The following PBX3 variants were observed in gnomAD, a reference collection of about 807,000 sequenced individuals.
The protein encoded by PBX3 is PBX homeobox 3.
PBX3 carries 14 observed loss-of-function variants against 48.5 expected under a neutral mutation model. The ratio of observed to expected loss-of-function variants is 0.29; its 90% confidence interval spans 0.19 to 0.45. PBX3 has a LOEUF of 0.45. Ranked by LOEUF, PBX3 falls within the 20% of genes least tolerant of loss-of-function variation. The pLI is 1.00. For missense variants in PBX3, 386 were observed against 546.7 expected (o/e 0.71, Z 2.93); for synonymous variants, 210 against 200.3 (o/e 1.05, Z -0.41).
Position 125,748,595 on chromosome 9 carries a change from C to T in PBX3, c.246C>T (p.Ser82=), listed in dbSNP as rs1475956028. The T allele has an allele frequency of 6.2e-7, 1 of 1,613,730 alleles. No individual in the cohort carries two copies. The highest frequency in any genetic ancestry group is 8.5e-7 in the Non-Finnish European group (1 of 1,179,900). ...ACAGAATGAAACCAGCGCTCTTCAG[C>T]GTCCTGTGTGAGATCAAAGAGAAAA... ...NCHRMKPALF[S]VLCEIKEKTG... The change falls in exon 2 of 9, where the codon AGC becomes AGT. Residue 82 remains serine, a synonymous_variant. Coordinates refer to ENST00000373489, the MANE Select transcript of PBX3 (RefSeq NM_006195.6).
intron 5 of PBX3, among the ~76,000 whole-genome samples, chr9:125,953,636 T>G (rs1268847165): frequency 6.6e-6 from 1 of 152,226 alleles, no homozygotes; most frequent in African/African-American, 2.4e-5. Context: ...TGTATCTACC[T>G]CCCTTAGGTT....
rs749314294 is a variant in PBX3, at chr9:125,962,068, C to T, written c.1010-34C>T. 15 of 1,063,844 alleles carry T rather than the reference C, an allele frequency of 1.4e-5. No individual in the cohort carries two copies. In the South Asian group the frequency reaches 1.8e-4, roughly 13 times the overall value. 65.9% of individuals were successfully genotyped at this position (1,063,844 alleles called of 1,614,324 possible). A position where few individuals can be genotyped will look rare whatever the true frequency, so the allele number is the denominator to read the frequency against. On this transcript the variant is annotated intron_variant, in intron 6 of 8. Transcript: ENST00000373489. ...CTTTGAGGATTATGTGTGTAGCTCT[C>T]TGTTATTCAGCTACTTAACTCTTTC...
intron 2 of PBX3, among the ~76,000 whole-genome samples, chr9:125,781,168 C>T (rs1274736231): frequency 2.0e-5 from 3 of 150,590 alleles, no homozygotes; most frequent in Admixed American, 6.6e-5. Flanking sequence ...CCAAGGCAGG[C>T]GGCTGGGAGA....
chr9:125,819,927 G>A (rs1838598582), intron 2 of PBX3, among the ~76,000 whole-genome samples: 1 of 151,992 alleles, frequency 6.6e-6, no homozygotes, highest in Non-Finnish European at 1.5e-5. Flanking sequence ...TATTTCCCAT[G>A]TAAATTTTAT....
intron 2 of PBX3, among the ~76,000 whole-genome samples, chr9:125,898,032 C>G (rs988856139): frequency 4.0e-5 from 6 of 151,744 alleles, no homozygotes; most frequent in Non-Finnish European, 8.8e-5. Context: ...CATAAGAATT[C>G]TAACTTGAGC....
intron 3 of PBX3, among the ~76,000 whole-genome samples, chr9:125,921,230 C>T (rs530882682): frequency 2.9e-4 from 44 of 152,108 alleles, no homozygotes; most frequent in Non-Finnish European, 4.4e-4. Context: ...TTTTTTCCTT[C>T]GAGTTACTAG....
intron 2 of PBX3, among the ~76,000 whole-genome samples, chr9:125,801,790 T>TACACATACAC (rs1554857078): frequency 1.4e-5 from 2 of 146,216 alleles, no homozygotes; most frequent in African/African-American, 5.1e-5. Flanking sequence ...TGTATACACA[T>TACACATACAC]ACACACACAC....
chr9:125,938,220 G>C (rs1303407720), intron 5 of PBX3, among the ~76,000 whole-genome samples: 1 of 152,148 alleles, frequency 6.6e-6, no homozygotes, highest in African/African-American at 2.4e-5. Context: ...AGTGCTGTGA[G>C]GGCAGGCTAG....
intron 4 of PBX3, among the ~76,000 whole-genome samples, chr9:125,931,789 G>T (rs112126540): frequency 0.011 from 1,610 of 152,278 alleles, 10 homozygotes; most frequent in Non-Finnish European, 0.015. Context: ...ATGTAATAGG[G>T]TGATAAGTGG....
chr9:125,927,034 C>T (rs909960442), intron 3 of PBX3, among the ~76,000 whole-genome samples: 2 of 152,282 alleles, frequency 1.3e-5, no homozygotes, highest in African/African-American at 2.4e-5. Context: ...CACAGATTCT[C>T]TCATCAGAAT....
chr9:125,754,021 T>A (rs1203074234), intron 2 of PBX3, among the ~76,000 whole-genome samples: 1 of 152,104 alleles, frequency 6.6e-6, no homozygotes, highest in Non-Finnish European at 1.5e-5. Context: ...GAAACTGCAT[T>A]TCGTGAACCA....
At chr9:125,955,146 T>G (rs1842275898) in intron 5 of PBX3, among the ~76,000 whole-genome samples, 1 of 152,190 alleles carries the variant, frequency 6.6e-6, no homozygotes, top group East Asian at 1.9e-4. Flanking sequence ...GCAGCCTCAC[T>G]GGAACCCTTT....
chr9:125,873,421 A>G (rs1219650663), intron 2 of PBX3, among the ~76,000 whole-genome samples: 1 of 152,218 alleles, frequency 6.6e-6, no homozygotes, highest in African/African-American at 2.4e-5. Flanking sequence ...AAGAATATGT[A>G]GGAACACTGA....
At chr9:125,925,105 T>C (rs1391676065) in intron 3 of PBX3, among the ~76,000 whole-genome samples, 1 of 152,248 alleles carries the variant, frequency 6.6e-6, no homozygotes, top group Non-Finnish European at 1.5e-5. Context: ...AAGGTTGATA[T>C]GTAATAAGAT....
At chr9:125,812,772 ATTG>A (rs1588172212) in intron 2 of PBX3, among the ~76,000 whole-genome samples, 1 of 152,240 alleles carries the variant, frequency 6.6e-6, no homozygotes, top group East Asian at 1.9e-4. Flanking sequence ...ATAGCTCATT[ATTG>A]TTCCTAGGCT....
chr9:125,769,263 C>A, intron 2 of PBX3, among the ~76,000 whole-genome samples: 1 of 152,178 alleles, frequency 6.6e-6, no homozygotes, highest in East Asian at 1.9e-4. Flanking sequence ...GTTTTATCCA[C>A]CTTTGCTTTG....
At chr9:125,748,668 G>C (rs780657764) in intron 2 of PBX3, 45 bp downstream of exon 2, 1 of 1,510,004 alleles carries the variant, frequency 6.6e-7, no homozygotes. Flanking sequence ...CCCCGAGGTG[G>C]GGGTCGGAGC....
chr9:125,919,359 AT>A (rs34891465), intron 3 of PBX3, among the ~76,000 whole-genome samples: 43,053 of 103,958 alleles, frequency 0.41, 5,402 homozygotes, highest in Middle Eastern at 0.51. Context: ...TGCCCGTCTA[AT>A]TTTTTTTTTT....
chr9:125,900,014 A>G (rs1322426870), intron 2 of PBX3, among the ~76,000 whole-genome samples: 2 of 151,726 alleles, frequency 1.3e-5, no homozygotes, highest in Non-Finnish European at 3.0e-5. Flanking sequence ...CTTTTGCTTA[A>G]TGTATTATTC....
Sources: allele counts gnomAD v4.1 joint callset (sites outside exome capture counted in the v4.1 genomes callset), GRCh38; gene constraint gnomAD v4.1.1; transcripts MANE v1.5; gene names NCBI Gene and HGNC (gene_info 2026-07-23, HGNC 2026-07-21).